Variants in DPH7 observed in about 807,000 individuals in gnomAD.
The protein encoded by DPH7 is diphthamide biosynthesis 7.
In DPH7, 44 loss-of-function variants were observed where a neutral mutation model predicts 41.7. The ratio of observed to expected loss-of-function variants is 1.05; its 90% CI spans 0.83 to 1.36. DPH7 has a LOEUF of 1.36. DPH7 is among the 40% of genes most tolerant of loss of function. The pLI, the probability that DPH7 is intolerant of heterozygous loss-of-function variation, is 0.00. For missense variants in DPH7, 629 were observed against 577.5 expected (o/e 1.09, Z -0.91); for synonymous variants, 275 against 238.0 (o/e 1.16, Z -1.43).
intron 3 of DPH7, chr9:137,575,070 T>G: frequency 7.6e-7 from 1 of 1,315,830 alleles, no homozygotes; most frequent in Non-Finnish European, 9.7e-7. Flanking sequence ...CAGGACAACT[T>G]TCCCACAGGC....
intron 1 of DPH7, chr9:137,578,370 G>A: frequency 3.0e-6 from 1 of 336,658 alleles, no homozygotes. Flanking sequence ...GTTTCACCAT[G>A]TTAGCCAGGA....
chr9:137,564,811 C>A (rs530002742), intron 7 of DPH7, 82 bp downstream of exon 7: 3 of 1,498,880 alleles, frequency 2.0e-6, no homozygotes, highest in Non-Finnish European at 1.8e-6. Context: ...GGAAAGGCAG[C>A]GAAAGAGGGA....
intron 1 of DPH7, 182 bp downstream of exon 1, chr9:137,578,443 G>A (rs1841823712): frequency 1.5e-6 from 1 of 671,894 alleles, no homozygotes; most frequent in East Asian, 3.5e-5. Context: ...TGGGATTACA[G>A]GCGTGAGCCA....
Position 137,564,944 on chromosome 9 carries a change from A to G in DPH7, c.725T>C (p.Val242Ala). ...ATGAGGGCTGCTCTGGATGCTGCAC[A>G]CACCCATGGTGTGTCTGCAAGCAGA... Reference protein sequence around the residue: ...LFTSKRHTMGVCSIQSSPHRE... With the variant: ...LFTSKRHTMGACSIQSSPHRE... Residue 242 changes from valine to alanine, a missense_variant, in exon 7 of 9, where the codon GTG becomes GCG. By Grantham distance (64) the Val-to-Ala change is moderately conservative. Coordinates refer to ENST00000277540, the MANE Select transcript of DPH7 (RefSeq NM_138778.5). 6.3e-7 allele frequency: 1 copy of G among 1,596,584 alleles called. No individual in the cohort carries two copies. Among genetic ancestry groups the G allele is most frequent in the East Asian group, 2.3e-5 (1 of 43,932 alleles).
At chr9:137,561,034 A>AAAAAAG (rs1554792984) in intron 8 of DPH7, among the ~76,000 whole-genome samples, 4,393 of 129,540 alleles carry the variant, frequency 0.034, 261 homozygotes, top group African/African-American at 0.13. Flanking sequence ...AAAAAAAAAA[A>AAAAAAG]AAAAAAAGAA....
intron 2 of DPH7, among the ~76,000 whole-genome samples, chr9:137,576,790 T>C (rs1841475427): frequency 6.6e-6 from 1 of 151,710 alleles, no homozygotes; most frequent in African/African-American, 2.4e-5. Context: ...TTAGGGAGGC[T>C]GACGCAGGAG....
Position 137,556,983 on chromosome 9 carries a change from A to T in DPH7, c.950-1335T>A, listed in dbSNP as rs1390763941. 2 of 446,100 alleles carry T rather than the reference A, an allele frequency of 4.5e-6. No homozygotes were observed. The highest frequency in any genetic ancestry group is 9.0e-6 in the Non-Finnish European group (2 of 221,750). The allele number at this position is 446,100 out of a possible 1,614,324, so 27.6% of individuals were successfully genotyped here. A position where few individuals can be genotyped will look rare whatever the true frequency, so the allele number is the denominator to read the frequency against. ...TCCCTCTTTTTATTTTCAAGACAGG[A>T]CCTCACTCTGTCGCATAGGCTGGAG... On this transcript the variant is annotated intron_variant, in intron 8 of 8. Transcript: ENST00000277540. This position sits in a 1 kb window ranked among gnomAD's most constrained non-coding sequence, Gnocchi z 5.2.
chr9:137,577,444 A>C, intron 2 of DPH7, 26 bp downstream of exon 2: 1 of 1,608,642 alleles, frequency 6.2e-7, no homozygotes, highest in Non-Finnish European at 8.5e-7. Context: ...CAAATTCTAC[A>C]CCCAGTGGGA....
At position 137,555,308 on chromosome 9, in the gene DPH7, G is replaced by GGCT. The variant is rs1229638228; in HGVS notation, c.1287_1289dup (p.Ala430dup). 1 of 1,613,670 alleles carries GGCT rather than the reference G, an allele frequency of 6.2e-7. No individual in the cohort carries two copies. Among genetic ancestry groups the GGCT allele is most frequent in the Non-Finnish European group, 8.5e-7 (1 of 1,179,804 alleles). On this transcript the variant is annotated inframe_insertion, in exon 9 of 9. Transcript: ENST00000277540. ...AGGAGCAGGTGGCCAGGAGGCTGAA[G>GGCT]GCTGAGTCTGCTTCTTCTGGGTTCA...
intron 1 of DPH7, 71 bp from the exon 2 acceptor site, chr9:137,577,674 T>TC: frequency 6.4e-7 from 1 of 1,567,512 alleles, no homozygotes. Flanking sequence ...GGAAAAGGGA[T>TC]CCAAGGAACT....
intron 5 of DPH7, among the ~76,000 whole-genome samples, chr9:137,571,249 C>T (rs981145199): frequency 6.6e-5 from 10 of 151,710 alleles, no homozygotes; most frequent in African/African-American, 1.9e-4. Flanking sequence ...TGCAGTGGTG[C>T]GATCTCGGCT....
chr9:137,568,693 C>T (rs1389151883), intron 5 of DPH7, among the ~76,000 whole-genome samples: 1 of 152,178 alleles, frequency 6.6e-6, no homozygotes, highest in African/African-American at 2.4e-5. Flanking sequence ...TGTGCCTTGA[C>T]TCTCTAGAGA....
chr9:137,577,927 C>T (rs1026724041), intron 1 of DPH7: 1 of 978,510 alleles, frequency 1.0e-6, no homozygotes, highest in East Asian at 1.1e-4. Context: ...AATATGTACC[C>T]ACCAGAAGTT....
chr9:137,573,253 C>G (rs1034105482), intron 5 of DPH7, among the ~76,000 whole-genome samples: 10 of 147,518 alleles, frequency 6.8e-5, no homozygotes, highest in Non-Finnish European at 1.3e-4. Context: ...CCCAGTTACT[C>G]GGGAGGCTGA....
chr9:137,576,370 G>A (rs1344706929), intron 2 of DPH7: 1 of 559,998 alleles, frequency 1.8e-6, no homozygotes, highest in African/African-American at 1.9e-5. Context: ...GTTACTGCAG[G>A]CAAGTGTGAC....
chr9:137,554,733 T>C lies in DPH7; in HGVS notation c.*506A>G, dbSNP rs879557613. 2.6e-5 allele frequency among the ~76,000 whole-genome samples: 4 copies of C among 152,178 alleles called. No homozygotes were observed. The highest frequency in any genetic ancestry group is 5.9e-5 in the Non-Finnish European group (4 of 68,024). On this transcript the variant is annotated 3_prime_UTR_variant, in exon 9 of 9. Transcript: ENST00000277540. ...CTGGGATTACAGGCCACTGTGACTG[T>C]GCTCAGTAGTTTTAATAATATATGC...
At position 137,555,245 on chromosome 9, in the gene DPH7, C is replaced by T. The variant is rs1487941970; in HGVS notation, c.1353G>A (p.Gly451=). ...GGGCTTCATGATTTCAAGCTCAGTT[C>T]CCCTCCCACTCCCAGAGGTGGAGCG... The part of the protein sequence containing the change: ...DHALHLWEWE[G]N The change falls in exon 9 of 9, where the codon GGG becomes GGA. Residue 451 remains glycine, a synonymous_variant. Coordinates refer to ENST00000277540, the MANE Select transcript of DPH7 (RefSeq NM_138778.5). 7 of 1,592,860 alleles carry T rather than the reference C, an allele frequency of 4.4e-6. No homozygotes were observed. The highest frequency in any genetic ancestry group is 6.0e-6 in the Non-Finnish European group (7 of 1,167,610).
At chr9:137,561,300 A>G (rs933940456) in intron 8 of DPH7, among the ~76,000 whole-genome samples, 1 of 152,130 alleles carries the variant, frequency 6.6e-6, no homozygotes, top group African/African-American at 2.4e-5. Context: ...GGAACTAAGG[A>G]GGGCACAGCG....
At position 137,555,312 on chromosome 9, in the gene DPH7, G is replaced by C; in HGVS notation, c.1286C>G (p.Ser429Ter). 1.2e-6 allele frequency: 2 copies of C among 1,614,174 alleles called. No homozygotes were observed. The highest frequency in any genetic ancestry group is 1.7e-6 in the Non-Finnish European group (2 of 1,180,016). The change falls in exon 9 of 9, where the codon TCA becomes TGA. Residue 429 changes from serine to a stop codon, truncating the protein, a stop_gained. Coordinates refer to ENST00000277540, the MANE Select transcript of DPH7 (RefSeq NM_138778.5). LOFTEE classifies it low-confidence loss of function (END_TRUNC). The stretch of plus-strand genomic sequence containing the variant: ...GCAGGTGGCCAGGAGGCTGAAGGCT[G>C]AGTCTGCTTCTTCTGGGTTCACGCC... ...DCGVNPEEAD[S>*]AFSLLATCSF...
Sources: gnomAD v4.1 joint callset for allele counts (sites outside exome capture counted in the v4.1 genomes callset) on GRCh38, gnomAD v4.1.1 for gene constraint, Gnocchi (gnomAD v3.1) non-coding constraint, MANE v1.5 for transcripts, NCBI Gene and HGNC (gene_info 2026-07-23, HGNC 2026-07-21) for gene names.